Variants in NRG1 observed in about 807,000 individuals in gnomAD.
The protein encoded by NRG1 is pro-neuregulin-1, membrane-bound isoform.
NRG1 carries 18 observed loss-of-function variants against 63.8 expected under a neutral mutation model. The ratio of observed to expected loss-of-function variants is 0.28; its 90% confidence interval spans 0.19 to 0.42. The LOEUF is 0.42. Ranked by LOEUF, NRG1 falls within the 10% of genes least tolerant of loss-of-function variation. NRG1 has a pLI of 1.00. For synonymous variants in NRG1, 302 were observed against 301.3 expected, an observed-to-expected ratio of 1.00 and a Z score of -0.02; for missense variants, 762 against 814.7, an observed-to-expected ratio of 0.94 and a Z score of 0.79.
chr8:32,443,024 C>T (rs928441674), intron 1 of NRG1, among the ~76,000 whole-genome samples: 4 of 151,936 alleles, frequency 2.6e-5, no homozygotes, highest in Admixed American at 6.6e-5. Context: ...AATCTTGACC[C>T]CCTGGGCTCA....
intron 1 of NRG1, among the ~76,000 whole-genome samples, chr8:31,805,493 C>CT (rs1277276127): frequency 6.6e-6 from 1 of 151,928 alleles, no homozygotes; most frequent in African/African-American, 2.4e-5. Flanking sequence ...GAAAATATAT[C>CT]TTTTTTATAA....
At chr8:32,385,441 G>C (rs780335985) in intron 1 of NRG1, among the ~76,000 whole-genome samples, 2 of 152,100 alleles carry the variant, frequency 1.3e-5, no homozygotes, top group Non-Finnish European at 2.9e-5. Context: ...CTGGAGACTG[G>C]GTAATTTATA....
At chr8:32,761,708 A>G (rs1174478429) in intron 11 of NRG1, among the ~76,000 whole-genome samples, 1 of 151,882 alleles carries the variant, frequency 6.6e-6, no homozygotes, top group Non-Finnish European at 1.5e-5. Flanking sequence ...GATGACTTTC[A>G]TAGACTCTTC....
intron 1 of NRG1, among the ~76,000 whole-genome samples, chr8:32,364,752 C>T (rs937333943): frequency 6.6e-6 from 1 of 151,950 alleles, no homozygotes; most frequent in Non-Finnish European, 1.5e-5. Flanking sequence ...AGCTACATTG[C>T]CCCCTTTAAA....
At chr8:32,610,246 G>A (rs577122853) in intron 3 of NRG1, among the ~76,000 whole-genome samples, 1 of 152,200 alleles carries the variant, frequency 6.6e-6, no homozygotes, top group South Asian at 2.1e-4. Context: ...TTCCTATGCA[G>A]AGGATTCCTT....
At chr8:31,761,527 G>A (rs1817558366) in intron 1 of NRG1, among the ~76,000 whole-genome samples, 1 of 152,054 alleles carries the variant, frequency 6.6e-6, no homozygotes, top group Non-Finnish European at 1.5e-5. Context: ...AAAACTTAGA[G>A]GTTCCTGGAG....
At chr8:32,230,650 G>A (rs532128127) in intron 1 of NRG1, among the ~76,000 whole-genome samples, 8 of 152,192 alleles carry the variant, frequency 5.3e-5, no homozygotes, top group South Asian at 4.1e-4. Context: ...CTGGAGTCAC[G>A]TCATTGCAGT....
chr8:32,060,396 G>A (rs2130903381), intron 1 of NRG1, among the ~76,000 whole-genome samples: 1 of 151,882 alleles, frequency 6.6e-6, no homozygotes, highest in South Asian at 2.1e-4. Context: ...GTGAAATTTG[G>A]CATCAATGAG....
intron 1 of NRG1, among the ~76,000 whole-genome samples, chr8:32,216,107 A>G (rs1845198109): frequency 6.6e-6 from 1 of 151,502 alleles, no homozygotes; most frequent in Non-Finnish European, 1.5e-5. Context: ...TACATTATCT[A>G]GATATTATAC....
intron 1 of NRG1, among the ~76,000 whole-genome samples, chr8:31,801,041 G>T (rs1403558138): frequency 6.6e-6 from 1 of 150,652 alleles, no homozygotes; most frequent in South Asian, 2.1e-4. Flanking sequence ...TAGAGACGGG[G>T]TTTCACCGTG....
At chr8:31,996,017 C>T (rs1487226779) in intron 1 of NRG1, among the ~76,000 whole-genome samples, 2 of 151,662 alleles carry the variant, frequency 1.3e-5, no homozygotes, top group Non-Finnish European at 2.9e-5. Context: ...GCACCTCCAT[C>T]TCCTCTTCTC....
chr8:32,100,848 T>G (rs900167841), intron 1 of NRG1, among the ~76,000 whole-genome samples: 2 of 152,174 alleles, frequency 1.3e-5, no homozygotes, highest in African/African-American at 4.8e-5. Context: ...TGCATCTCAG[T>G]CATAAAAACT....
chr8:32,157,049 C>CTT (rs1286225766), intron 1 of NRG1, among the ~76,000 whole-genome samples: 1 of 140,918 alleles, frequency 7.1e-6, no homozygotes, highest in East Asian at 2.2e-4. Flanking sequence ...AATTAAAACT[C>CTT]GTGTGTGTGT....
chr8:31,735,668 T>C (rs1319514023), intron 1 of NRG1, among the ~76,000 whole-genome samples: 2 of 152,212 alleles, frequency 1.3e-5, no homozygotes, highest in African/African-American at 4.8e-5. Flanking sequence ...AATGAAATGA[T>C]GTAAATCTAT....
chr8:32,127,528 C>CGTGT (rs3084577), intron 1 of NRG1, among the ~76,000 whole-genome samples: 7,369 of 146,292 alleles, frequency 0.05, 294 homozygotes, highest in African/African-American at 0.11. Flanking sequence ...TGTATCTGCA[C>CGTGT]GTGTGTGTGT....
chr8:32,152,398 C>T (rs1460671408), intron 1 of NRG1, among the ~76,000 whole-genome samples: 1 of 152,142 alleles, frequency 6.6e-6, no homozygotes, highest in Admixed American at 6.5e-5. Context: ...ATATGTTAGA[C>T]ACTAAACATA....
At chr8:32,546,837 T>C (rs934500046), upstream of NRG1, among the ~76,000 whole-genome samples, 72 of 152,292 alleles carry the variant, frequency 4.7e-4, no homozygotes, top group African/African-American at 1.7e-3. Context: ...TTTAGGACAG[T>C]TTTAAAGTGA....
chr8:31,939,787 A>C (rs2129620936), intron 1 of NRG1, among the ~76,000 whole-genome samples: 1 of 152,294 alleles, frequency 6.6e-6, no homozygotes, highest in Non-Finnish European at 1.5e-5. Context: ...AGAATAAACA[A>C]AATTTACAGC....
intron 5 of NRG1, among the ~76,000 whole-genome samples, chr8:32,632,976 G>T (rs1850614722): frequency 1.3e-5 from 2 of 152,042 alleles, no homozygotes; most frequent in Admixed American, 6.5e-5. Flanking sequence ...TTAACCCAGG[G>T]TCTATAAGCA....
Sources: allele counts gnomAD v4.1 joint callset (sites outside exome capture counted in the v4.1 genomes callset), GRCh38; gene constraint gnomAD v4.1.1; transcripts MANE v1.5; gene names NCBI Gene and HGNC (gene_info 2026-07-23, HGNC 2026-07-21).